The following KIRREL3 variants were observed in gnomAD, a reference collection of about 807,000 sequenced individuals.
The protein encoded by KIRREL3 is kirre like nephrin family adhesion molecule 3.
In KIRREL3, 36 loss-of-function variants were observed where a neutral mutation model predicts 89.7. That is an observed-to-expected ratio of 0.40 (90% CI 0.31 to 0.53). The LOEUF (loss-of-function observed/expected upper bound fraction) is 0.53, where lower values mean the gene tolerates loss of function less well. Among genes scored for constraint, KIRREL3 ranks in the 20% least tolerant of loss-of-function variants. The pLI, the probability that KIRREL3 is intolerant of heterozygous loss-of-function variation, is 0.49. For synonymous variants in KIRREL3, 445 were observed against 441.4 expected, an observed-to-expected ratio of 1.01 and a Z score of -0.10; for missense variants, 864 against 1,056.6, an observed-to-expected ratio of 0.82 and a Z score of 2.53.
chr11:126,877,468 T>C lies in KIRREL3; in HGVS notation c.55+122987A>G, dbSNP rs1421293463. ...GTCTGCAATCCTGCAATGGAAAGAA[T>C]CTCTTTCCTCCACTCACTCACTTCC... On this transcript the variant is annotated intron_variant, in intron 1 of 16. Transcript: ENST00000525144. This position sits in a 1 kb window ranked among gnomAD's most constrained non-coding sequence, Gnocchi z 4.9. 6.6e-6 allele frequency among the ~76,000 whole-genome samples: 1 copy of C among 152,120 alleles called. No homozygotes were observed. Among genetic ancestry groups the C allele is most frequent in the East Asian group, 1.9e-4 (1 of 5,188 alleles).
intron 1 of KIRREL3, among the ~76,000 whole-genome samples, chr11:126,858,486 C>T (rs1462978678): frequency 1.3e-5 from 2 of 152,154 alleles, no homozygotes; most frequent in Non-Finnish European, 2.9e-5. Context: ...CAGTTCTCAC[C>T]TCCTAAGAAG....
At chr11:126,974,330 C>T (rs1441178478) in intron 1 of KIRREL3, among the ~76,000 whole-genome samples, 10 of 152,116 alleles carry the variant, frequency 6.6e-5, no homozygotes, top group African/African-American at 2.4e-4. Context: ...AACGGAGATA[C>T]GTTCTGAGAA....
chr11:126,804,891 A>G (rs1444137200), intron 1 of KIRREL3, among the ~76,000 whole-genome samples: 1 of 152,054 alleles, frequency 6.6e-6, no homozygotes, highest in African/African-American at 2.4e-5. Context: ...AAAGGTCAAG[A>G]CTCACACTCT....
rs921985141 is a variant in KIRREL3, at chr11:126,609,581, C to T, written c.56-46669G>A. On this transcript the variant is annotated intron_variant, in intron 1 of 16. Coordinates refer to ENST00000525144, the MANE Select transcript of KIRREL3 (RefSeq NM_032531.4). This position sits in a 1 kb window ranked among gnomAD's most constrained non-coding sequence, Gnocchi z 5.0. ...AGATCAGACAGCCTTGCACTAAGCT[C>T]AGCTCCTTTCTGGGGGGACCTCCGA... is the stretch of plus-strand genomic sequence containing the variant. 3.3e-5 allele frequency among the ~76,000 whole-genome samples: 5 copies of T among 152,112 alleles called. No individual in the cohort carries two copies. Among genetic ancestry groups the T allele is most frequent in the African/African-American group, 1.2e-4 (5 of 41,398 alleles).
In KIRREL3 at chr11:126,627,128, A is replaced by G. The variant is rs116691416; in HGVS notation, c.56-64216T>C. On this transcript the variant is annotated intron_variant, in intron 1 of 16. Coordinates refer to ENST00000525144, the MANE Select transcript of KIRREL3 (RefSeq NM_032531.4). This position sits in a 1 kb window ranked among gnomAD's most constrained non-coding sequence, Gnocchi z 5.0. ...GGCAGAGCTCTATAAAGGCAGTACT[A>G]GAGTGGAATCTTTCATTTTTAGTTG... is the stretch of plus-strand genomic sequence containing the variant. Among the ~76,000 whole-genome samples the G allele has an allele frequency of 1.9e-3, 295 of 152,304 alleles. 1 individual carries two copies. Among genetic ancestry groups the G allele is most frequent in the African/African-American group, 6.9e-3 (288 of 41,558 alleles).
chr11:126,630,098 C>T (rs187720628), intron 1 of KIRREL3, among the ~76,000 whole-genome samples: 2 of 152,272 alleles, frequency 1.3e-5, no homozygotes, highest in Admixed American at 1.3e-4. Context: ...ATGTGGAATG[C>T]AATGTAGTCT....
Position 126,903,776 on chromosome 11 carries a change from G to A in KIRREL3, c.55+96679C>T, listed in dbSNP as rs1340787979. Among the ~76,000 whole-genome samples, 1 of 152,186 alleles carries A rather than the reference G, an allele frequency of 6.6e-6. No individual in the cohort carries two copies. The highest frequency in any genetic ancestry group is 1.5e-5 in the Non-Finnish European group (1 of 68,034). ...TTAATAGGTCAACATAACAATGGATGTTGCTGGTGGAAAAAATAAGAAGAC... is the reference window on the plus strand; with the variant it reads ...TTAATAGGTCAACATAACAATGGATATTGCTGGTGGAAAAAATAAGAAGAC... On this transcript the variant is annotated intron_variant, in intron 1 of 16. Transcript: ENST00000525144. The surrounding 1 kb of genome is among the most constrained non-coding windows in gnomAD (Gnocchi z 4.5).
intron 4 of KIRREL3, among the ~76,000 whole-genome samples, chr11:126,503,055 T>G (rs1193091787): frequency 2.0e-5 from 3 of 152,230 alleles, no homozygotes; most frequent in Non-Finnish European, 4.4e-5. Context: ...GCATTTCACC[T>G]GCCTCCCCTT....
intron 1 of KIRREL3, among the ~76,000 whole-genome samples, chr11:126,672,358 A>G (rs1945993204): frequency 6.6e-6 from 1 of 152,196 alleles, no homozygotes. Flanking sequence ...TACTACAAAT[A>G]AAGTTGTTAT....
chr11:126,997,428 G>C lies in KIRREL3; in HGVS notation c.55+3027C>G, dbSNP rs474504. Among the ~76,000 whole-genome samples, 18,848 of 152,122 alleles carry C rather than the reference G, an allele frequency of 0.12. 1,339 individuals carry two copies. Among genetic ancestry groups the C allele is most frequent in the Middle Eastern group, 0.21 (60 of 292 alleles). Reference sequence around the variant, plus strand: ...CTCTCCATTCCCTTGTTGGGAGCCAGGCCTGGGGACTCTGGCGGGGGTGGA... The same window carrying C: ...CTCTCCATTCCCTTGTTGGGAGCCACGCCTGGGGACTCTGGCGGGGGTGGA... On this transcript the variant is annotated intron_variant, in intron 1 of 16. Coordinates refer to ENST00000525144, the MANE Select transcript of KIRREL3 (RefSeq NM_032531.4). The surrounding 1 kb of genome is among the most constrained non-coding windows in gnomAD (Gnocchi z 4.3).
In KIRREL3 at chr11:126,734,242, G is replaced by A. The variant is rs73573433; in HGVS notation, c.56-171330C>T. On this transcript the variant is annotated intron_variant, in intron 1 of 16. Coordinates refer to ENST00000525144, the MANE Select transcript of KIRREL3 (RefSeq NM_032531.4). The surrounding 1 kb of genome is among the most constrained non-coding windows in gnomAD (Gnocchi z 5.9). ...GTCCCATGCTTTCATCAGAAAAAAA[G>A]CTCTACTTTTGGGATCTATGGCAGG... 0.19 allele frequency among the ~76,000 whole-genome samples: 28,934 copies of A among 152,130 alleles called. 2,917 individuals carry two copies. Among genetic ancestry groups the A allele is most frequent in the African/African-American group, 0.23 (9,347 of 41,462 alleles).
intron 1 of KIRREL3, among the ~76,000 whole-genome samples, chr11:126,998,776 AG>A (rs974016250): frequency 6.6e-6 from 1 of 152,192 alleles, no homozygotes; most frequent in African/African-American, 2.4e-5. Context: ...ACTACACAAA[AG>A]GCTGATTAAA....
intron 1 of KIRREL3, among the ~76,000 whole-genome samples, chr11:126,882,117 C>T (rs1187513320): frequency 6.6e-6 from 1 of 152,088 alleles, no homozygotes; most frequent in African/African-American, 2.4e-5. Flanking sequence ...GCAGTTCAGT[C>T]CTGGAAACTT....
At chr11:126,464,590 G>C (rs1421205684) in intron 5 of KIRREL3, among the ~76,000 whole-genome samples, 6 of 151,874 alleles carry the variant, frequency 4.0e-5, no homozygotes, top group Admixed American at 2.0e-4. Context: ...GAAAGTGAAA[G>C]AGAAGAGGAG....
rs567076616 is a variant in KIRREL3, at chr11:126,817,225, A to G, written c.55+183230T>C. ...AGGAGGCAGAGGGGATAAACAGCTC[A>G]CCCTGTTGAGGATGTTTACTTTTGC... On this transcript the variant is annotated intron_variant, in intron 1 of 16. Transcript: ENST00000525144. This position sits in a 1 kb window ranked among gnomAD's most constrained non-coding sequence, Gnocchi z 5.7. 2.6e-5 allele frequency among the ~76,000 whole-genome samples: 4 copies of G among 152,332 alleles called. No individual in the cohort carries two copies. The East Asian group carries it at 7.7e-4, about 29-fold the overall frequency.
In KIRREL3 at chr11:126,683,235, C is replaced by A. The variant is rs1054871193; in HGVS notation, c.56-120323G>T. Among the ~76,000 whole-genome samples, 1 of 152,116 alleles carries A rather than the reference C, an allele frequency of 6.6e-6. No individual in the cohort carries two copies. Among genetic ancestry groups the A allele is most frequent in the Admixed American group, 6.5e-5 (1 of 15,278 alleles). On this transcript the variant is annotated intron_variant, in intron 1 of 16. Transcript: ENST00000525144. The surrounding 1 kb of genome is among the most constrained non-coding windows in gnomAD (Gnocchi z 5.2). ...ATTGATTTTTAGGATTTAAGAAGAA[C>A]AAGAATAGTTTTGGGAGTTCTGGGA... is the stretch of plus-strand genomic sequence containing the variant.
Position 126,651,252 on chromosome 11 carries a change from T to C in KIRREL3, c.56-88340A>G, listed in dbSNP as rs1227258760. The stretch of plus-strand genomic sequence containing the variant: ...CTAGACTAAGAAAGTCTTTTGGGAA[T>C]TGGTGGGATGGTGCACAGTTTGCGT... On this transcript the variant is annotated intron_variant, in intron 1 of 16. Transcript: ENST00000525144. The surrounding 1 kb of genome is among the most constrained non-coding windows in gnomAD (Gnocchi z 4.6). 1.3e-5 allele frequency among the ~76,000 whole-genome samples: 2 copies of C among 152,220 alleles called. No individual in the cohort carries two copies. Among genetic ancestry groups the C allele is most frequent in the Non-Finnish European group, 2.9e-5 (2 of 68,044 alleles).
intron 1 of KIRREL3, among the ~76,000 whole-genome samples, chr11:126,866,853 A>C (rs911583637): frequency 2.6e-5 from 4 of 152,068 alleles, no homozygotes; most frequent in African/African-American, 9.7e-5. Context: ...TTCCCATTCC[A>C]TTCCCCTTGT....
At chr11:126,721,208 C>G (rs997858036) in intron 1 of KIRREL3, among the ~76,000 whole-genome samples, 1 of 152,134 alleles carries the variant, frequency 6.6e-6, no homozygotes, top group African/African-American at 2.4e-5. Flanking sequence ...TGTGCTTAGC[C>G]TCAGTTTCCA....
Sources: allele counts gnomAD v4.1 joint callset (sites outside exome capture counted in the v4.1 genomes callset), GRCh38; gene constraint gnomAD v4.1.1; non-coding constraint Gnocchi (gnomAD v3.1); transcripts MANE v1.5; gene names NCBI Gene and HGNC (gene_info 2026-07-23, HGNC 2026-07-21).